The following EYA3 variants were observed in gnomAD, a reference collection of about 807,000 sequenced individuals.
EYA3 encodes the protein EYA transcriptional coactivator and phosphatase 3, also known as protein phosphatase EYA3.
In EYA3, 39 loss-of-function variants were observed where a neutral mutation model predicts 80.0. That is an observed-to-expected ratio of 0.49 (90% CI 0.38 to 0.64). The LOEUF (loss-of-function observed/expected upper bound fraction) is 0.64. Ranked by LOEUF, EYA3 falls within the 30% of genes least tolerant of loss-of-function variation. The pLI is 0.00. For synonymous variants in EYA3, 206 were observed against 232.8 expected (o/e 0.88, Z 1.05); for missense variants, 523 against 676.1 (o/e 0.77, Z 2.51).
At chr1:28,020,840 A>G (rs1315362519) in intron 7 of EYA3, among the ~76,000 whole-genome samples, 2 of 152,190 alleles carry the variant, frequency 1.3e-5, no homozygotes, top group African/African-American at 4.8e-5. Flanking sequence ...TTATGTATCT[A>G]AAGGCTGCTA....
At position 27,979,235 on chromosome 1, in the gene EYA3, G is replaced by A. The variant is rs181347531; in HGVS notation, c.1541-761C>T. Among the ~76,000 whole-genome samples the A allele has an allele frequency of 6.6e-5, 10 of 152,266 alleles. No homozygotes were observed. In the East Asian group the frequency reaches 1.3e-3, roughly 21 times the overall value. On this transcript the variant is annotated intron_variant, in intron 16 of 17. Coordinates refer to ENST00000373871, the MANE Select transcript of EYA3 (RefSeq NM_001990.4). Reference sequence around the variant, plus strand: ...TGAAAACACAAGGCCCTGATTTCTTGTTAGAAACAATAACAAACAAAAAGC... The same window carrying A: ...TGAAAACACAAGGCCCTGATTTCTTATTAGAAACAATAACAAACAAAAAGC...
In EYA3 at chr1:28,042,617, C is replaced by T. The variant is rs750603107; in HGVS notation, c.111G>A (p.Lys37=). Residue 37 remains lysine, a synonymous_variant, in exon 4 of 18, where the codon AAG becomes AAA. Transcript: ENST00000373871. ...QVSNPDVSDQ[K]PETSSLASNL... is the part of the protein sequence containing the mutation. Reference sequence around the variant, plus strand: ...TTGAAGCAAGGCTTGATGTTTCAGGCTTCTGATCACTGACATCTGGATTGC... The same window carrying T: ...TTGAAGCAAGGCTTGATGTTTCAGGTTTCTGATCACTGACATCTGGATTGC... 2 of 1,614,184 alleles carry T rather than the reference C, an allele frequency of 1.2e-6. No homozygotes were observed. The highest frequency in any genetic ancestry group is 2.2e-5 in the South Asian group (2 of 91,088).
chr1:27,988,009 A>G (rs981786649), intron 16 of EYA3, among the ~76,000 whole-genome samples: 9 of 152,204 alleles, frequency 5.9e-5, no homozygotes, highest in Admixed American at 6.5e-5. Flanking sequence ...TTAGGACTAC[A>G]GCTGCGTGCC....
At position 27,981,834 on chromosome 1, in the gene EYA3, G is replaced by A. The variant is rs116824695; in HGVS notation, c.1541-3360C>T. On this transcript the variant is annotated intron_variant, in intron 16 of 17. Coordinates refer to ENST00000373871, the MANE Select transcript of EYA3 (RefSeq NM_001990.4). Reference sequence around the variant, plus strand: ...TGTAAAATCTTAACACTTCACAGTTGCTGTATTTATTTACTTATTTATGAG... The same window carrying A: ...TGTAAAATCTTAACACTTCACAGTTACTGTATTTATTTACTTATTTATGAG... Among the ~76,000 whole-genome samples the A allele has an allele frequency of 7.1e-3, 1,069 of 151,492 alleles. 5 individuals carry two copies. The highest frequency in any genetic ancestry group is 0.017 in the Middle Eastern group (5 of 292).
intron 1 of EYA3, among the ~76,000 whole-genome samples, chr1:28,076,190 T>C (rs1645193825): frequency 6.6e-6 from 1 of 152,202 alleles, no homozygotes; most frequent in African/African-American, 2.4e-5. Context: ...CTTCCATAAA[T>C]AAATAGTGCA....
intron 2 of EYA3, among the ~76,000 whole-genome samples, chr1:28,052,981 C>T (rs1644309403): frequency 6.6e-6 from 1 of 151,020 alleles, no homozygotes; most frequent in African/African-American, 2.4e-5. Flanking sequence ...GAGTAAGACC[C>T]CATCTCGACA....
At chr1:28,070,544 A>G (rs1644985437) in intron 1 of EYA3, among the ~76,000 whole-genome samples, 1 of 152,210 alleles carries the variant, frequency 6.6e-6, no homozygotes, top group African/African-American at 2.4e-5. Flanking sequence ...CCTGGGCTAC[A>G]GAGTGAGACT....
In EYA3 at chr1:28,013,158, T is replaced by C. The variant is rs745641824; in HGVS notation, c.722A>G (p.Lys241Arg). 1 of 1,614,018 alleles carries C rather than the reference T, an allele frequency of 6.2e-7. No homozygotes were observed. The highest frequency in any genetic ancestry group is 2.2e-5 in the East Asian group (1 of 44,884). Residue 241 changes from lysine (K) to arginine (R), a missense_variant, in exon 9 of 18, where the codon AAG becomes AGG. By Grantham distance (26) the Lys-to-Arg change is conservative. This residue lies in a region of EYA3 where 304 missense variants were observed against 343.3 expected (regional missense o/e 0.89). Transcript: ENST00000373871. This position sits in a 1 kb window ranked among gnomAD's most constrained non-coding sequence, Gnocchi z 4.0. The stretch of plus-strand genomic sequence containing the variant: ...AGGTGCAGGCGCCATGACACTAGGC[T>C]TCTCCGACTGGTATGTGGTTGCTGC... Reference protein sequence around the residue: ...TLAATTYQSEKPSVMAPAPAA... With the variant: ...TLAATTYQSERPSVMAPAPAA...
intron 6 of EYA3, among the ~76,000 whole-genome samples, chr1:28,029,259 G>C (rs2148829747): frequency 6.6e-6 from 1 of 152,266 alleles, no homozygotes; most frequent in Non-Finnish European, 1.5e-5. Flanking sequence ...CTCAGTTACT[G>C]TTTCAAAAAT....
intron 10 of EYA3, among the ~76,000 whole-genome samples, chr1:28,006,291 T>G (rs1641268175): frequency 6.6e-6 from 1 of 152,114 alleles, no homozygotes; most frequent in Non-Finnish European, 1.5e-5. Flanking sequence ...CATGATAATC[T>G]CAACTGATGC....
At chr1:27,981,659 C>A (rs1348953613) in intron 16 of EYA3, among the ~76,000 whole-genome samples, 4 of 151,772 alleles carry the variant, frequency 2.6e-5, no homozygotes, top group African/African-American at 9.7e-5. Flanking sequence ...CATCTATAAT[C>A]CCAAGCTACT....
Position 27,999,998 on chromosome 1 carries a change from C to G in EYA3, c.1045G>C (p.Glu349Gln), listed in dbSNP as rs1342537291. The change falls in exon 12 of 18, where the codon GAA becomes CAA. Residue 349 changes from glutamate (E) to glutamine (Q), a missense_variant. By Grantham distance (29) the Glu-to-Gln change is conservative. Coordinates refer to ENST00000373871, the MANE Select transcript of EYA3 (RefSeq NM_001990.4). ...SGLTMEEMIF[E>Q]VADTHLFFND... ...AAAAATAGATGAGTATCAGCCACTT[C>G]AAAAATCATTTCTTCCATTGTTAAA... 2 of 1,611,098 alleles carry G rather than the reference C, an allele frequency of 1.2e-6. No homozygotes were observed. Among genetic ancestry groups the G allele is most frequent in the Non-Finnish European group, 1.7e-6 (2 of 1,178,732 alleles).
intron 1 of EYA3, among the ~76,000 whole-genome samples, chr1:28,079,662 G>A (rs12144104): frequency 0.34 from 51,168 of 151,986 alleles, 8,777 homozygotes; most frequent in East Asian, 0.5. Context: ...TAAAGAACAG[G>A]GATGACAGTA....
At chr1:28,051,203 A>G (rs2815703) in intron 2 of EYA3, among the ~76,000 whole-genome samples, 8,952 of 152,268 alleles carry the variant, frequency 0.059, 829 homozygotes, top group African/African-American at 0.2. Context: ...CTCTTTTTGC[A>G]TGACATAATT....
chr1:27,983,788 T>C lies in EYA3; in HGVS notation c.1540+4747A>G, dbSNP rs149522847. 4.6e-3 allele frequency among the ~76,000 whole-genome samples: 699 copies of C among 152,288 alleles called. 5 individuals carry two copies. The highest frequency in any genetic ancestry group is 0.016 in the African/African-American group (669 of 41,554). ...CTCCTGCCTCAGTCTCCCCAGTAGC[T>C]AGGATTACAGGCGTGTGCCACCACG... On this transcript the variant is annotated intron_variant, in intron 16 of 17. Coordinates refer to ENST00000373871, the MANE Select transcript of EYA3 (RefSeq NM_001990.4).
At chr1:27,995,616 G>A (rs550638694) in intron 13 of EYA3, among the ~76,000 whole-genome samples, 116 of 151,482 alleles carry the variant, frequency 7.7e-4, no homozygotes, top group African/African-American at 2.7e-3. Flanking sequence ...TGCGCCTATG[G>A]TCCTAGCTAT....
At chr1:27,995,463 G>A (rs1640386262) in intron 13 of EYA3, among the ~76,000 whole-genome samples, 1 of 150,616 alleles carries the variant, frequency 6.6e-6, no homozygotes, top group Non-Finnish European at 1.5e-5. Context: ...CAAGCTGGGT[G>A]TAGTTGCTCA....
At chr1:28,081,646 C>A (rs1228592433) in intron 1 of EYA3, among the ~76,000 whole-genome samples, 1 of 152,096 alleles carries the variant, frequency 6.6e-6, no homozygotes, top group African/African-American at 2.4e-5. Flanking sequence ...AAATTAACAT[C>A]ATTGTGCTAA....
At chr1:28,067,517 T>C (rs1205153658) in intron 1 of EYA3, among the ~76,000 whole-genome samples, 2 of 152,200 alleles carry the variant, frequency 1.3e-5, no homozygotes, top group Non-Finnish European at 2.9e-5. Context: ...AAATTCTTCA[T>C]TCTTGCCCCC....
Sources: allele counts gnomAD v4.1 joint callset (sites outside exome capture counted in the v4.1 genomes callset), GRCh38; gene constraint gnomAD v4.1.1; regional missense constraint gnomAD v4.1.1; non-coding constraint Gnocchi (gnomAD v3.1); transcripts MANE v1.5; gene names NCBI Gene and HGNC (gene_info 2026-07-23, HGNC 2026-07-21).